Variants in EPHA6 observed in about 807,000 individuals in gnomAD.
The protein encoded by EPHA6 is ephrin type-A receptor 6.
EPHA6 carries 50 observed loss-of-function variants against 112.0 expected under a neutral mutation model. That is an observed-to-expected ratio of 0.45 (90% CI 0.36 to 0.56). EPHA6 has a LOEUF of 0.56. Ranked by LOEUF, EPHA6 falls within the 20% of genes least tolerant of loss-of-function variation. The probability of loss-of-function intolerance (pLI) is 0.00; values close to 1 mark genes in which losing one functional copy is unlikely to be tolerated. For missense variants in EPHA6, 1,280 were observed against 1,417.4 expected, an observed-to-expected ratio of 0.90 and a Z score of 1.56; for synonymous variants, 529 against 490.7, an observed-to-expected ratio of 1.08 and a Z score of -1.03.
At chr3:96,912,088 T>C (rs1473692684) in intron 2 of EPHA6, among the ~76,000 whole-genome samples, 1 of 152,128 alleles carries the variant, frequency 6.6e-6, no homozygotes, top group African/African-American at 2.4e-5. Context: ...AAGACAAGAT[T>C]CACTTTTCAA....
At chr3:96,844,841 T>A (rs1188035011) in intron 1 of EPHA6, among the ~76,000 whole-genome samples, 1 of 151,898 alleles carries the variant, frequency 6.6e-6, no homozygotes, top group African/African-American at 2.4e-5. Flanking sequence ...AAATAAAAAG[T>A]CAACCAGGAT....
At chr3:96,935,536 A>G (rs1291266502) in intron 2 of EPHA6, among the ~76,000 whole-genome samples, 1 of 150,108 alleles carries the variant, frequency 6.7e-6, no homozygotes, top group Admixed American at 6.7e-5. Flanking sequence ...ACCATATTAT[A>G]TTTAAACATT....
chr3:97,581,644 C>T (rs1222257966), intron 11 of EPHA6, among the ~76,000 whole-genome samples: 1 of 152,200 alleles, frequency 6.6e-6, no homozygotes, highest in Non-Finnish European at 1.5e-5. Flanking sequence ...CATCAAATTT[C>T]CCACACATTA....
At chr3:97,637,421 A>T (rs538666331) in intron 13 of EPHA6, among the ~76,000 whole-genome samples, 6 of 151,650 alleles carry the variant, frequency 4.0e-5, no homozygotes, top group African/African-American at 1.5e-4. Flanking sequence ...ACTATTTTTC[A>T]CAGTATCTCC....
At chr3:96,851,812 C>T (rs1043704005) in intron 1 of EPHA6, among the ~76,000 whole-genome samples, 5 of 151,712 alleles carry the variant, frequency 3.3e-5, no homozygotes, top group African/African-American at 7.3e-5. Flanking sequence ...TGGAGTGCTG[C>T]GCTTGAGGGA....
At chr3:97,001,518 G>A (rs1360195859) in intron 3 of EPHA6, among the ~76,000 whole-genome samples, 1 of 151,584 alleles carries the variant, frequency 6.6e-6, no homozygotes, top group Non-Finnish European at 1.5e-5. Flanking sequence ...TCCTTCCTTT[G>A]GCATGTGATA....
intron 3 of EPHA6, among the ~76,000 whole-genome samples, chr3:96,998,690 T>C (rs111397372): frequency 0.025 from 3,836 of 152,020 alleles, 73 homozygotes; most frequent in Middle Eastern, 0.071. Flanking sequence ...ATCTGATGTG[T>C]CTGGGTGTGG....
intron 1 of EPHA6, among the ~76,000 whole-genome samples, chr3:96,851,067 G>A (rs2035354746): frequency 6.6e-6 from 1 of 152,102 alleles, no homozygotes; most frequent in Non-Finnish European, 1.5e-5. Context: ...ACCAGCATGA[G>A]TGCTAATTAA....
intron 3 of EPHA6, among the ~76,000 whole-genome samples, chr3:97,036,526 C>G (rs2612277): frequency 6.6e-6 from 1 of 151,708 alleles, no homozygotes; most frequent in Non-Finnish European, 1.5e-5. Context: ...AAAAGATGAC[C>G]CTGACAGCTA....
chr3:97,444,802 A>G (rs1560016407), intron 6 of EPHA6, among the ~76,000 whole-genome samples: 1 of 152,086 alleles, frequency 6.6e-6, no homozygotes, highest in Non-Finnish European at 1.5e-5. Context: ...CAGGTTCCAG[A>G]CTCTAGCAAG....
chr3:97,028,859 T>G (rs2044728596), intron 3 of EPHA6, among the ~76,000 whole-genome samples: 1 of 151,978 alleles, frequency 6.6e-6, no homozygotes, highest in African/African-American at 2.4e-5. Flanking sequence ...GTTTAATTCT[T>G]GATCTGTTAA....
At chr3:97,049,131 C>G (rs2045605878) in intron 3 of EPHA6, among the ~76,000 whole-genome samples, 2 of 152,160 alleles carry the variant, frequency 1.3e-5, no homozygotes, top group African/African-American at 4.8e-5. Flanking sequence ...CAGAGAGGTA[C>G]TGGAGTGCAC....
At chr3:97,405,419 C>T (rs2087275493) in intron 6 of EPHA6, 145 bp downstream of exon 6, 2 of 619,736 alleles carry the variant, frequency 3.2e-6, no homozygotes, top group South Asian at 2.7e-5. Flanking sequence ...TTTGAATCCT[C>T]TCTAACTTAC....
At chr3:96,823,513 T>C (rs1456799981) in intron 1 of EPHA6, among the ~76,000 whole-genome samples, 2 of 151,842 alleles carry the variant, frequency 1.3e-5, no homozygotes, top group Non-Finnish European at 2.9e-5. Context: ...ATCTCTTCTT[T>C]TCTTTCTCTT....
chr3:97,695,537 T>C (rs1576304540), intron 14 of EPHA6, among the ~76,000 whole-genome samples: 1 of 152,332 alleles, frequency 6.6e-6, no homozygotes, highest in Admixed American at 6.5e-5. Context: ...ATCTACAGTC[T>C]ACAGGTGACA....
intron 2 of EPHA6, among the ~76,000 whole-genome samples, chr3:96,941,498 G>A (rs941338178): frequency 2.6e-5 from 4 of 152,092 alleles, no homozygotes; most frequent in Non-Finnish European, 5.9e-5. Context: ...TTATACATTC[G>A]TCTAATTTTT....
rs138459954 is a variant in EPHA6, at chr3:97,653,347, C to A, written c.2784+15265C>A. ...ACCTGGTTAAACATGGGCAAAAGAC[C>A]TGAATAGGTATTTCTCAGAAGAAGA... On this transcript the variant is annotated intron_variant, in intron 14 of 17. Coordinates refer to ENST00000389672, the MANE Select transcript of EPHA6 (RefSeq NM_001080448.3). Among the ~76,000 whole-genome samples, 600 of 151,874 alleles carry A rather than the reference C, an allele frequency of 4.0e-3. 2 individuals carry two copies. The highest frequency in any genetic ancestry group is 7.2e-3 in the Admixed American group (109 of 15,228).
chr3:97,676,545 A>C (rs899757511), intron 14 of EPHA6, among the ~76,000 whole-genome samples: 8 of 152,328 alleles, frequency 5.3e-5, no homozygotes, highest in Admixed American at 5.2e-4. Flanking sequence ...AAGTAAGCAG[A>C]GAGATGGAGC....
intron 13 of EPHA6, among the ~76,000 whole-genome samples, chr3:97,624,766 A>G (rs1232428693): frequency 2.0e-5 from 3 of 151,470 alleles, no homozygotes; most frequent in Non-Finnish European, 4.4e-5. Context: ...TTATTTCTTC[A>G]TCATCTAGTC....
Sources: gnomAD v4.1 joint callset for allele counts (sites outside exome capture counted in the v4.1 genomes callset) on GRCh38, gnomAD v4.1.1 for gene constraint, MANE v1.5 for transcripts, NCBI Gene and HGNC (gene_info 2026-07-23, HGNC 2026-07-21) for gene names.